STK11IP: variants seen among roughly 807,000 people sequenced by gnomAD.
STK11IP encodes the protein serine/threonine kinase 11 interacting protein, also known as serine/threonine-protein kinase 11-interacting protein.
In STK11IP, 103 loss-of-function variants were observed where a neutral mutation model predicts 131.7. The ratio of observed to expected loss-of-function variants is 0.78; its 90% confidence interval spans 0.67 to 0.92. The LOEUF is 0.92. Ranked by LOEUF, STK11IP falls within the 40% of genes least tolerant of loss-of-function variation. The pLI, the probability that STK11IP is intolerant of heterozygous loss-of-function variation, is 0.00. For synonymous variants in STK11IP, 557 were observed against 575.6 expected, an observed-to-expected ratio of 0.97 and a Z score of 0.46; for missense variants, 1,315 against 1,385.7, an observed-to-expected ratio of 0.95 and a Z score of 0.81.
intron 7 of STK11IP, 58 bp downstream of exon 7, chr2:219,602,834 A>G: frequency 6.6e-7 from 1 of 1,520,244 alleles, no homozygotes; most frequent in Non-Finnish European, 9.0e-7. Flanking sequence ...CTCTGCTCTC[A>G]CTCTCTCTCC....
Position 219,609,530 on chromosome 2 carries a change from C to A in STK11IP, c.2094C>A (p.Phe698Leu). ...LDSEEGWRPL[F>L]QKTESPAVCP... ...GTGAGGAAGGCTGGAGGCCTCTGTT[C>A]CAAAAGACAGGTACAAGTCCTGCCC... The change falls in exon 17 of 25, where the codon TTC (phenylalanine) becomes TTA (leucine). Residue 698 changes from phenylalanine (F) to leucine (L), a missense_variant. Transcript: ENST00000456909. 6.4e-7 allele frequency: 1 copy of A among 1,566,482 alleles called. No homozygotes were observed. Among genetic ancestry groups the A allele is most frequent in the Middle Eastern group, 1.7e-4 (1 of 6,004 alleles).
At chr2:219,607,437 G>GCCCACCT (rs1698229374) in intron 13 of STK11IP, among the ~76,000 whole-genome samples, 2 of 152,042 alleles carry the variant, frequency 1.3e-5, no homozygotes, top group East Asian at 3.9e-4. Flanking sequence ...TGGGAGGATT[G>GCCCACCT]CCTGAGCCCA....
intron 23 of STK11IP, chr2:219,614,848 G>A (rs1169372530): frequency 1.6e-6 from 1 of 624,258 alleles, no homozygotes; most frequent in African/African-American, 1.8e-5. Flanking sequence ...AGAAGGAGAG[G>A]GTGGAGCCTT....
chr2:219,603,303 A>G (rs1311768714), intron 7 of STK11IP, among the ~76,000 whole-genome samples: 1 of 152,060 alleles, frequency 6.6e-6, no homozygotes, highest in South Asian at 2.1e-4. Flanking sequence ...TGGCCTCCCA[A>G]AATGCTGGGA....
In STK11IP at chr2:219,616,018, G is replaced by A. The variant is rs778732205; in HGVS notation, c.3118-26G>A. ...CCCTGGTGTGGTCCCCATGAGCCTC[G>A]CCTTGCTAACTGCTCGGTCTGCCAG... is the stretch of plus-strand genomic sequence containing the variant. On this transcript the variant is annotated intron_variant, in intron 24 of 24. Coordinates refer to ENST00000456909, the MANE Select transcript of STK11IP (RefSeq NM_052902.4). The A allele has an allele frequency of 2.8e-5, 45 of 1,610,324 alleles. 1 individual carries two copies. In the South Asian group the frequency reaches 3.2e-4, roughly 11 times the overall value.
chr2:219,598,555 A>C (rs1697875698), intron 2 of STK11IP: 1 of 184,666 alleles, frequency 5.4e-6, no homozygotes, highest in African/African-American at 2.3e-5. Context: ...AGTCGGACCC[A>C]CTTGGGTTGG....
Position 219,598,096 on chromosome 2 carries a change from T to C in STK11IP, c.-24T>C, listed in dbSNP as rs1244541124. 2 of 1,580,730 alleles carry C rather than the reference T, an allele frequency of 1.3e-6. No homozygotes were observed. The highest frequency in any genetic ancestry group is 1.7e-6 in the Non-Finnish European group (2 of 1,164,322). Reference sequence around the variant, plus strand: ...CCGCTTCCTCTTTCCCCCCCCAGGCTCCGCCCCCCAGCGTCCCGTGGCCAT... The same window carrying C: ...CCGCTTCCTCTTTCCCCCCCCAGGCCCCGCCCCCCAGCGTCCCGTGGCCAT... On this transcript the variant is annotated splice_region_variant and 5_prime_UTR_variant, in exon 2 of 25. Transcript: ENST00000456909.
chr2:219,610,528 A>G (rs541015936), intron 17 of STK11IP, among the ~76,000 whole-genome samples: 2 of 152,112 alleles, frequency 1.3e-5, no homozygotes, highest in South Asian at 2.1e-4. Flanking sequence ...TCAGCCTCGC[A>G]AGTAGCTGGG....
chr2:219,609,217 A>T lies in STK11IP; in HGVS notation c.1926+4A>T, dbSNP rs752585084. The T allele has an allele frequency of 6.3e-7, 1 of 1,595,078 alleles. No homozygotes were observed. Among genetic ancestry groups the T allele is most frequent in the Non-Finnish European group, 8.5e-7 (1 of 1,170,786 alleles). On this transcript the variant is annotated splice_donor_region_variant and intron_variant, in intron 16 of 24. Coordinates refer to ENST00000456909, the MANE Select transcript of STK11IP (RefSeq NM_052902.4). ...TGATGCCCACGCAGCTGTCCAGGTG[A>T]TGGCGCCCAGAGTGGGGGCCCAGGA...
At chr2:219,609,033 A>C in intron 15 of STK11IP, 64 bp from the exon 16 acceptor site, 3 of 1,274,140 alleles carry the variant, frequency 2.4e-6, no homozygotes, top group Non-Finnish European at 3.3e-6. Context: ...TGCTCTCAGC[A>C]TCCCCTCATC....
Position 219,601,437 on chromosome 2 carries a change from C to G in STK11IP, c.264C>G (p.Leu88=), listed in dbSNP as rs368062862. Residue 88 remains leucine, a synonymous_variant, in exon 3 of 25, where the codon CTC becomes CTG. Transcript: ENST00000456909. The part of the protein sequence containing the change: ...LFDVLQKTLS[L]KLVHVAGPGP... Reference sequence around the variant, plus strand: ...ATGTGCTGCAGAAAACACTTTCACTCAAGGTTCTGGGTGTGGGGAAGAGGC... The same window carrying G: ...ATGTGCTGCAGAAAACACTTTCACTGAAGGTTCTGGGTGTGGGGAAGAGGC... 6 of 1,613,898 alleles carry G rather than the reference C, an allele frequency of 3.7e-6. No homozygotes were observed. In the African/African-American group the frequency reaches 8.0e-5, roughly 22 times the overall value.
chr2:219,611,461 GGCC>G, intron 17 of STK11IP, 140 bp from the exon 18 acceptor site: 8 of 681,554 alleles, frequency 1.2e-5, no homozygotes, highest in Admixed American at 4.7e-5. Flanking sequence ...GGGAGCTGGT[GGCC>G]TGGGGCGCGG....
intron 16 of STK11IP, 30 bp from the exon 17 acceptor site, chr2:219,609,333 C>G (rs752931731): frequency 3.7e-6 from 6 of 1,610,338 alleles, no homozygotes; most frequent in South Asian, 1.1e-5. Context: ...TCCGCCTGCT[C>G]ACAGCTGCCT....
Position 219,601,366 on chromosome 2 carries a change from CA to C in STK11IP, c.194del (p.His65LeufsTer72). ...GQTGFVALPS[H>X]PADSPVILQL... ...GACAGGCTTTGTGGCTCTGCCCTCC[CA>C]TCCTGCCGACTCCCCTGTTATTCTT... On this transcript the variant is annotated frameshift_variant, in exon 3 of 25. Transcript: ENST00000456909. LOFTEE classifies it high-confidence loss of function. 6.2e-7 allele frequency: 1 copy of C among 1,614,084 alleles called. No individual in the cohort carries two copies.
At chr2:219,606,548 G>A (rs542550281) in intron 11 of STK11IP, 31 bp downstream of exon 11, 22 of 1,612,466 alleles carry the variant, frequency 1.4e-5, no homozygotes, top group Non-Finnish European at 1.9e-5. Context: ...AGGACTGTTG[G>A]GGGAAGACAC....
chr2:219,602,265 C>A (rs1698011699), intron 5 of STK11IP, among the ~76,000 whole-genome samples, 182 bp downstream of exon 5: 1 of 152,214 alleles, frequency 6.6e-6, no homozygotes, highest in Admixed American at 6.5e-5. Context: ...GTCGTACCTA[C>A]CATATTATAT....
chr2:219,608,302 C>T lies in STK11IP; in HGVS notation c.1475C>T (p.Ala492Val), dbSNP rs760507951. The T allele has an allele frequency of 1.2e-5, 19 of 1,609,524 alleles. No individual in the cohort carries two copies. The highest frequency in any genetic ancestry group is 1.7e-4 in the Middle Eastern group (1 of 6,056). ...SPQKMSEEVR[A>V]EPQEEEEEKE... ...CAGAAAATGTCAGAGGAGGTCAGGG[C>T]GGAGCCACAGGAGGAGGAAGAGGAG... Residue 492 changes from alanine (A) to valine (V), a missense_variant, in exon 14 of 25, where the codon GCG (alanine) becomes GTG (valine). Ala to Val is a moderately conservative substitution (Grantham distance 64). Transcript: ENST00000456909.
intron 8 of STK11IP, 76 bp from the exon 9 acceptor site, chr2:219,605,880 T>C: frequency 6.8e-7 from 1 of 1,469,446 alleles, no homozygotes; most frequent in Non-Finnish European, 9.3e-7. Context: ...TGCTGCAACC[T>C]CCCCCAGTGC....
rs778375185 is a variant in STK11IP at position 219,614,142 on chromosome 2, C to T, written c.2717-19C>T. ...GGAGAGCAGAGCCTTCTAAAGTTCC[C>T]TGGCCTGCCTCTGTCTAGATGTCTT... On this transcript the variant is annotated intron_variant, in intron 21 of 24. Transcript: ENST00000456909. The T allele has an allele frequency of 6.2e-7, 1 of 1,613,182 alleles. No homozygotes were observed. The highest frequency in any genetic ancestry group is 1.1e-5 in the South Asian group (1 of 91,082).
Sources: allele counts gnomAD v4.1 joint callset (sites outside exome capture counted in the v4.1 genomes callset), GRCh38; gene constraint gnomAD v4.1.1; transcripts MANE v1.5; gene names NCBI Gene and HGNC (gene_info 2026-07-23, HGNC 2026-07-21).